The following MGRN1 variants were observed in gnomAD, a reference collection of about 807,000 sequenced individuals.
MGRN1 encodes the protein E3 ubiquitin-protein ligase MGRN1.
Under a neutral mutation model 69.2 loss-of-function variants are expected in MGRN1, and 29 were observed. The ratio of observed to expected loss-of-function variants is 0.42; its 90% CI spans 0.31 to 0.57. MGRN1 has a LOEUF of 0.57. Ranked by LOEUF, MGRN1 falls within the 20% of genes least tolerant of loss-of-function variation. The probability of loss-of-function intolerance (pLI) is 0.15; values close to 1 mark genes in which losing one functional copy is unlikely to be tolerated. For missense variants in MGRN1, 998 were observed against 796.2 expected, an observed-to-expected ratio of 1.25 and a Z score of -3.05; for synonymous variants, 470 against 344.2, an observed-to-expected ratio of 1.37 and a Z score of -4.04.
chr16:4,624,860 C>A lies in MGRN1; in HGVS notation c.-101C>A, dbSNP rs1392531122. ...AGGCGCCTCCGCGGCCGTGGACGAG[C>A]GTCCGTGCGGCCTGGTCCGGGCCAT... On this transcript the variant is annotated 5_prime_UTR_variant, in exon 1 of 17. Transcript: ENST00000262370. 8 of 980,340 alleles carry A rather than the reference C, an allele frequency of 8.2e-6. No homozygotes were observed. The East Asian group carries it at 2.1e-4, about 26-fold the overall frequency. 60.7% of individuals were successfully genotyped at this position (980,340 alleles called of 1,614,324 possible).
At chr16:4,683,092 C>A in intron 14 of MGRN1, 132 bp from the exon 15 acceptor site, 2 of 1,503,652 alleles carry the variant, frequency 1.3e-6, no homozygotes, top group Non-Finnish European at 1.8e-6. Context: ...TCCTTAGCCT[C>A]GGTCTGTGGA....
At chr16:4,670,893 A>G (rs963999235) in intron 8 of MGRN1, among the ~76,000 whole-genome samples, 24 of 152,318 alleles carry the variant, frequency 1.6e-4, no homozygotes, top group South Asian at 4.1e-4. Flanking sequence ...CCGCTTTGCA[A>G]TGTGGTCAGC....
rs1184825208 is a variant in MGRN1 at position 4,657,286 on chromosome 16, C to T, written c.484C>T (p.His162Tyr). Reference protein sequence around the residue: ...KSPSLQSETVHYKRGVSQQFS... With the variant: ...KSPSLQSETVYYKRGVSQQFS... ...CCCCTCGCTACAGTCCGAGACCGTC[C>T]ACTACAAGAGAGGGGTGAGCCAGCA... Residue 162 changes from histidine (H) to tyrosine (Y), a missense_variant, in exon 5 of 17, where the codon CAC becomes TAC. By Grantham distance (83) the His-to-Tyr change is moderately conservative (BLOSUM62 2). Transcript: ENST00000262370. The T allele has an allele frequency of 6.2e-7, 1 of 1,614,182 alleles. No homozygotes were observed. Among genetic ancestry groups the T allele is most frequent in the South Asian group, 1.1e-5 (1 of 91,080 alleles).
intron 1 of MGRN1, among the ~76,000 whole-genome samples, chr16:4,631,902 A>AATT (rs1555445802): frequency 3.0e-5 from 4 of 135,420 alleles, no homozygotes; most frequent in African/African-American, 1.2e-4. Context: ...TTAGCTTCTC[A>AATT]GTTGTTTTTT....
chr16:4,673,426 CTGGGGACAGG>C (rs2078985219), intron 9 of MGRN1, 62 bp from the exon 10 acceptor site: 3 of 1,561,268 alleles, frequency 1.9e-6, no homozygotes, highest in Non-Finnish European at 1.7e-6. Flanking sequence ...GGTGGGACAG[CTGGGGACAGG>C]AAGCAGGAGC....
At chr16:4,679,198 G>T (rs890461249) in intron 11 of MGRN1, among the ~76,000 whole-genome samples, 1 of 152,196 alleles carries the variant, frequency 6.6e-6, no homozygotes, top group African/African-American at 2.4e-5. Flanking sequence ...CCTCTGAGAG[G>T]GTTTCACCTA....
intron 1 of MGRN1, among the ~76,000 whole-genome samples, chr16:4,646,015 C>T (rs2078266788): frequency 6.6e-6 from 1 of 152,196 alleles, no homozygotes; most frequent in Non-Finnish European, 1.5e-5. Flanking sequence ...GACTCGACGT[C>T]TCTTTCTGGG....
chr16:4,686,510 C>G (rs1000149491), intron 16 of MGRN1: 4 of 1,378,512 alleles, frequency 2.9e-6, no homozygotes, highest in South Asian at 3.6e-5. Context: ...GGGGTCCTGA[C>G]TTTCGGGGCC....
intron 1 of MGRN1, among the ~76,000 whole-genome samples, chr16:4,637,112 C>G (rs1247979797): frequency 2.7e-5 from 3 of 111,446 alleles, no homozygotes; most frequent in African/African-American, 1.1e-4. Context: ...GAGCAAGACT[C>G]CATCTCAAAA....
chr16:4,625,139 C>T, intron 1 of MGRN1, 91 bp downstream of exon 1: 4 of 1,204,394 alleles, frequency 3.3e-6, no homozygotes, highest in Non-Finnish European at 3.3e-6. Flanking sequence ...GCGGGGCGCC[C>T]TGCTCGGCCC....
intron 5 of MGRN1, 66 bp from the exon 6 acceptor site, chr16:4,664,643 G>T: frequency 1.3e-6 from 2 of 1,549,622 alleles, no homozygotes; most frequent in South Asian, 2.2e-5. Context: ...CTCATTTGTT[G>T]ACCGACTCCA....
Position 4,683,873 on chromosome 16 carries a change from T to C in MGRN1, c.1559T>C (p.Leu520Pro). Reference protein sequence around the residue: ...GTRAASIENVLQDSSPEHCGR... With the variant: ...GTRAASIENVPQDSSPEHCGR... The stretch of plus-strand genomic sequence containing the variant: ...CGAGCAGCTTCCATTGAGAATGTCC[T>C]GCAGGACAGCAGCCCCGAGCACTGT... The change falls in exon 16 of 17, where the codon CTG becomes CCG. Residue 520 changes from leucine to proline, a missense_variant. Physicochemically the swap from Leu to Pro is moderately conservative, Grantham distance 98. Coordinates refer to ENST00000262370, the MANE Select transcript of MGRN1 (RefSeq NM_015246.4). The C allele has an allele frequency of 6.2e-7, 1 of 1,604,052 alleles. No homozygotes were observed. The highest frequency in any genetic ancestry group is 8.5e-7 in the Non-Finnish European group (1 of 1,174,682).
intron 7 of MGRN1, among the ~76,000 whole-genome samples, chr16:4,665,728 G>C (rs1455433259): frequency 6.8e-6 from 1 of 146,656 alleles, no homozygotes; most frequent in African/African-American, 2.6e-5. Context: ...GGAGTGCAGT[G>C]GTGGGATCTG....
chr16:4,660,716 C>G (rs1038347558), intron 5 of MGRN1, among the ~76,000 whole-genome samples: 1 of 152,246 alleles, frequency 6.6e-6, no homozygotes, highest in African/African-American at 2.4e-5. Flanking sequence ...CATGACAGCC[C>G]TTGTGGCAGC....
Position 4,674,626 on chromosome 16 carries a change from C to CTTTTTTT in MGRN1, c.955+988_955+994dup, listed in dbSNP as rs71139654. Among the ~76,000 whole-genome samples the CTTTTTTT allele has an allele frequency of 6.7e-3, 316 of 47,300 alleles. 7 individuals carry two copies. Among genetic ancestry groups the CTTTTTTT allele is most frequent in the Middle Eastern group, 0.026 (1 of 38 alleles). 31.0% of individuals were successfully genotyped at this position (47,300 alleles called of 152,430 possible). A position where few individuals can be genotyped will look rare whatever the true frequency, so the allele number is the denominator to read the frequency against. ...CTTTTTTTTTCTTTTCTTTTCTTTT[C>CTTTTTTT]TTTTTTTTTTTTTTTTTTTTTTTTT... On this transcript the variant is annotated intron_variant, in intron 10 of 16. Coordinates refer to ENST00000262370, the MANE Select transcript of MGRN1 (RefSeq NM_015246.4).
intron 1 of MGRN1, chr16:4,634,986 A>G (rs971162975): frequency 2.0e-5 from 3 of 152,194 alleles, no homozygotes; most frequent in Admixed American, 6.5e-5. Context: ...CGCGGAACAG[A>G]TGCTCTCTGT....
At chr16:4,629,764 G>A (rs1268670360) in intron 1 of MGRN1, among the ~76,000 whole-genome samples, 1 of 151,092 alleles carries the variant, frequency 6.6e-6, no homozygotes, top group Non-Finnish European at 1.5e-5. Flanking sequence ...TCATACAGGC[G>A]GCTGGGTGTG....
intron 5 of MGRN1, among the ~76,000 whole-genome samples, chr16:4,658,346 T>C: frequency 6.7e-6 from 1 of 150,202 alleles, no homozygotes; most frequent in Admixed American, 6.6e-5. Context: ...CCATCCTGGC[T>C]AACACGGTGA....
intron 1 of MGRN1, among the ~76,000 whole-genome samples, chr16:4,632,979 G>A (rs556532530): frequency 6.4e-4 from 98 of 152,236 alleles, no homozygotes; most frequent in African/African-American, 2.2e-3. Context: ...GCTACCTGGT[G>A]GGCTGAGGTG....
Sources: gnomAD v4.1 joint callset for allele counts (sites outside exome capture counted in the v4.1 genomes callset) on GRCh38, gnomAD v4.1.1 for gene constraint, MANE v1.5 for transcripts, NCBI Gene and HGNC (gene_info 2026-07-23, HGNC 2026-07-21) for gene names.